Variants in OPCML observed in about 807,000 individuals in gnomAD.
The protein encoded by OPCML is opioid-binding protein/cell adhesion molecule.
OPCML carries 13 observed loss-of-function variants against 37.8 expected under a neutral mutation model. The observed-to-expected ratio is 0.34, with a 90% CI of 0.22 to 0.55. OPCML has a LOEUF of 0.55. Ranked by LOEUF, OPCML falls within the 20% of genes least tolerant of loss-of-function variation. The pLI, the probability that OPCML is intolerant of heterozygous loss-of-function variation, is 0.91. For synonymous variants in OPCML, 176 were observed against 168.8 expected, an observed-to-expected ratio of 1.04 and a Z score of -0.33; for missense variants, 341 against 435.6, an observed-to-expected ratio of 0.78 and a Z score of 1.93.
intron 1 of OPCML, among the ~76,000 whole-genome samples, chr11:133,324,278 A>T (rs532537355): frequency 1.3e-5 from 2 of 152,242 alleles, no homozygotes; most frequent in Admixed American, 1.3e-4. Flanking sequence ...TGCCTGCTCC[A>T]TGGTCTGAAA....
intron 2 of OPCML, among the ~76,000 whole-genome samples, chr11:132,716,646 T>C (rs1003850869): frequency 1.3e-5 from 2 of 152,204 alleles, no homozygotes; most frequent in East Asian, 1.9e-4. Flanking sequence ...CTATTTGATA[T>C]AACTTTAATA....
intron 1 of OPCML, among the ~76,000 whole-genome samples, chr11:133,214,622 C>T (rs1334417344): frequency 1.3e-5 from 2 of 152,204 alleles, no homozygotes; most frequent in East Asian, 3.8e-4. Flanking sequence ...GAGCTTTTAA[C>T]AGCTATTTAA....
At chr11:132,939,882 A>T (rs1049274575) in intron 2 of OPCML, among the ~76,000 whole-genome samples, 3 of 152,232 alleles carry the variant, frequency 2.0e-5, no homozygotes, top group African/African-American at 7.2e-5. Context: ...AAGAGGGCCC[A>T]TTTGTAATAA....
chr11:133,131,545 A>G (rs1949603939), intron 1 of OPCML, among the ~76,000 whole-genome samples: 1 of 152,188 alleles, frequency 6.6e-6, no homozygotes, highest in Non-Finnish European at 1.5e-5. Context: ...AGCAACAGGA[A>G]CTCTCAATCA....
intron 2 of OPCML, among the ~76,000 whole-genome samples, chr11:132,819,661 G>A (rs1939855354): frequency 6.6e-6 from 1 of 151,910 alleles, no homozygotes; most frequent in African/African-American, 2.4e-5. Flanking sequence ...TTTTTGTTAT[G>A]ACACAATATA....
chr11:132,517,856 G>A (rs1425350956), intron 4 of OPCML, among the ~76,000 whole-genome samples: 2 of 152,144 alleles, frequency 1.3e-5, no homozygotes, highest in African/African-American at 4.8e-5. Flanking sequence ...CATATGTAAA[G>A]CATATTATTA....
At chr11:133,524,011 C>T (rs919031474) in intron 1 of OPCML, among the ~76,000 whole-genome samples, 3 of 152,212 alleles carry the variant, frequency 2.0e-5, no homozygotes, top group Non-Finnish European at 4.4e-5. Context: ...GTTTGTTTGA[C>T]GCATGTCTGT....
intron 2 of OPCML, among the ~76,000 whole-genome samples, chr11:132,752,025 C>T (rs1026318112): frequency 1.3e-5 from 2 of 152,098 alleles, no homozygotes; most frequent in Admixed American, 6.5e-5. Flanking sequence ...ATTTAAAAGG[C>T]ATGCGATACT....
rs998064967 is a variant in OPCML, at chr11:133,399,952, G to T, written c.61+132312C>A. 8.6e-5 allele frequency among the ~76,000 whole-genome samples: 13 copies of T among 151,648 alleles called. 1 individual carries two copies. Among genetic ancestry groups the T allele is most frequent in the Non-Finnish European group, 5.9e-5 (4 of 67,928 alleles). ...ACACGTCTGTTGCATATTGTATTCGGCAAGCTAGACTAACCTTCCAGTGAA... is the reference window on the plus strand; with the variant it reads ...ACACGTCTGTTGCATATTGTATTCGTCAAGCTAGACTAACCTTCCAGTGAA... On this transcript the variant is annotated intron_variant, in intron 1 of 7. Transcript: ENST00000524381.
At chr11:132,561,518 C>T (rs1240006100) in intron 3 of OPCML, among the ~76,000 whole-genome samples, 1 of 152,194 alleles carries the variant, frequency 6.6e-6, no homozygotes, top group Non-Finnish European at 1.5e-5. Flanking sequence ...GTGGTCTTTT[C>T]AGGGCCTGGT....
chr11:132,748,447 G>C (rs1038305118), intron 2 of OPCML, among the ~76,000 whole-genome samples: 1 of 152,190 alleles, frequency 6.6e-6, no homozygotes, highest in African/African-American at 2.4e-5. Context: ...TCTAGTGGGA[G>C]AGTTAGATTT....
intron 2 of OPCML, among the ~76,000 whole-genome samples, chr11:132,778,407 G>A (rs1282101905): frequency 1.3e-5 from 2 of 152,160 alleles, no homozygotes; most frequent in African/African-American, 2.4e-5. Context: ...ACGATACTAA[G>A]AGACATGGAA....
intron 1 of OPCML, among the ~76,000 whole-genome samples, chr11:133,181,325 G>A (rs192044611): frequency 4.4e-4 from 61 of 137,576 alleles, no homozygotes; most frequent in African/African-American, 1.6e-3. Context: ...TATTCCGGTT[G>A]TGATTTTCTA....
At chr11:132,532,916 T>C (rs1262459116) in intron 3 of OPCML, among the ~76,000 whole-genome samples, 1 of 152,218 alleles carries the variant, frequency 6.6e-6, no homozygotes, top group Non-Finnish European at 1.5e-5. Context: ...GTTTCCATGA[T>C]GACTTTGTGA....
At chr11:132,756,313 A>G (rs868336675) in intron 2 of OPCML, among the ~76,000 whole-genome samples, 4 of 152,204 alleles carry the variant, frequency 2.6e-5, no homozygotes, top group South Asian at 4.1e-4. Flanking sequence ...TGATTAGAAG[A>G]TGAGAAATAA....
At chr11:132,563,509 G>A (rs1161594926) in intron 3 of OPCML, among the ~76,000 whole-genome samples, 2 of 151,890 alleles carry the variant, frequency 1.3e-5, no homozygotes, top group Non-Finnish European at 2.9e-5. Flanking sequence ...TGATGGAAAT[G>A]TTTTGCAACT....
chr11:132,432,655 T>C (rs1211377095), intron 7 of OPCML, among the ~76,000 whole-genome samples: 1 of 152,196 alleles, frequency 6.6e-6, no homozygotes, highest in East Asian at 1.9e-4. Context: ...CATTCATTCA[T>C]TCCACAAAGT....
intron 4 of OPCML, 106 bp downstream of exon 4, chr11:132,528,955 A>G (rs936219807): frequency 7.7e-6 from 5 of 650,384 alleles, no homozygotes; most frequent in African/African-American, 7.3e-5. Flanking sequence ...TTGATTTTCT[A>G]TGACTGGATT....
intron 1 of OPCML, among the ~76,000 whole-genome samples, chr11:133,461,732 C>A (rs374185350): frequency 1.0e-3 from 159 of 151,948 alleles, no homozygotes; most frequent in African/African-American, 3.6e-3. Flanking sequence ...AGATTCAGTA[C>A]AATCTCTACC....
Sources: allele counts gnomAD v4.1 joint callset (sites outside exome capture counted in the v4.1 genomes callset), GRCh38; gene constraint gnomAD v4.1.1; transcripts MANE v1.5; gene names NCBI Gene and HGNC (gene_info 2026-07-23, HGNC 2026-07-21).